FAM193A: variants seen among roughly 807,000 people sequenced by gnomAD.
FAM193A encodes the protein protein FAM193A.
A neutral mutation model predicts 126.5 loss-of-function variants in FAM193A; 22 were observed. The observed-to-expected ratio is 0.17, with a 90% CI of 0.12 to 0.25. The LOEUF (loss-of-function observed/expected upper bound fraction) is 0.25, where lower values mean the gene tolerates loss of function less well. FAM193A is among the 10% of genes least tolerant of loss of function. The pLI, the probability that FAM193A is intolerant of heterozygous loss-of-function variation, is 1.00. For missense variants in FAM193A, 1,675 were observed against 1,672.8 expected (o/e 1.00, Z -0.02); for synonymous variants, 761 against 646.8 (o/e 1.18, Z -2.68).
At chr4:2,692,273 C>T (rs979998982) in intron 15 of FAM193A, among the ~76,000 whole-genome samples, 1 of 152,180 alleles carries the variant, frequency 6.6e-6, no homozygotes, top group Non-Finnish European at 1.5e-5. Context: ...GGGGAAGCCC[C>T]TTATAAAACC....
chr4:2,586,673 G>A (rs907627566), intron 1 of FAM193A, among the ~76,000 whole-genome samples: 1 of 152,096 alleles, frequency 6.6e-6, no homozygotes, highest in East Asian at 1.9e-4. Flanking sequence ...TTGTTGTTGA[G>A]AACAGGGTCT....
At chr4:2,710,909 T>C (rs1233854858) in intron 19 of FAM193A, among the ~76,000 whole-genome samples, 4 of 148,894 alleles carry the variant, frequency 2.7e-5, no homozygotes, top group Admixed American at 2.0e-4. Flanking sequence ...TGGAGTGCAG[T>C]GGTGTGATCT....
intron 1 of FAM193A, among the ~76,000 whole-genome samples, chr4:2,548,530 C>T (rs759612280): frequency 6.6e-5 from 10 of 152,088 alleles, no homozygotes; most frequent in African/African-American, 9.7e-5. Flanking sequence ...GATCTCGGCT[C>T]ACTGCAGCCT....
At chr4:2,596,481 C>G (rs1217216776) in intron 2 of FAM193A, among the ~76,000 whole-genome samples, 152 bp downstream of exon 2, 1 of 152,222 alleles carries the variant, frequency 6.6e-6, no homozygotes, top group Non-Finnish European at 1.5e-5. Context: ...GTACGTTCCT[C>G]CTGGTCTTCC....
intron 7 of FAM193A, among the ~76,000 whole-genome samples, chr4:2,649,106 G>A (rs191640742): frequency 6.4e-4 from 98 of 152,316 alleles, no homozygotes; most frequent in African/African-American, 2.2e-3. Flanking sequence ...AGGTGCAGTG[G>A]CTCACACCTA....
At chr4:2,654,898 C>T in intron 7 of FAM193A, 1 of 465,290 alleles carries the variant, frequency 2.1e-6, no homozygotes, top group Non-Finnish European at 3.9e-6. Context: ...ATGGAGATGC[C>T]CTGTGACCAG....
intron 12 of FAM193A, among the ~76,000 whole-genome samples, chr4:2,671,698 G>T (rs1310445881): frequency 6.6e-6 from 1 of 152,214 alleles, no homozygotes; most frequent in African/African-American, 2.4e-5. Flanking sequence ...TCACTCCACC[G>T]TAACCGGAAG....
chr4:2,712,585 G>C (rs868620886), intron 19 of FAM193A, among the ~76,000 whole-genome samples: 4 of 152,102 alleles, frequency 2.6e-5, no homozygotes, highest in African/African-American at 9.7e-5. Flanking sequence ...GAGTGCCTTG[G>C]TTTTAGGACG....
intron 19 of FAM193A, chr4:2,708,134 G>T (rs1249850686): frequency 2.2e-6 from 1 of 446,732 alleles, no homozygotes; most frequent in Non-Finnish European, 4.5e-6. Flanking sequence ...TTGTTTGTTT[G>T]TTTATTTCGA....
intron 2 of FAM193A, among the ~76,000 whole-genome samples, chr4:2,620,936 G>A (rs1221277534): frequency 2.0e-5 from 3 of 151,896 alleles, no homozygotes; most frequent in Non-Finnish European, 2.9e-5. Flanking sequence ...GGCAGATTTA[G>A]GGAGCAGCCA....
intron 13 of FAM193A, among the ~76,000 whole-genome samples, chr4:2,682,083 C>G (rs1327252831): frequency 6.8e-6 from 1 of 147,676 alleles, no homozygotes; most frequent in Non-Finnish European, 1.5e-5. Flanking sequence ...CTCCTGAGTT[C>G]ACACCATTCT....
At position 2,659,804 on chromosome 4, in the gene FAM193A, C is replaced by T; in HGVS notation, c.1503-8C>T. ...TTGGCTTGGTAACTGTCCTTAATTC[C>T]TGATCAGATGTGCTTGCGATGACTG... is the stretch of plus-strand genomic sequence containing the variant. On this transcript the variant is annotated splice_polypyrimidine_tract_variant and splice_region_variant and intron_variant, in intron 9 of 20. Coordinates refer to ENST00000637812, the MANE Select transcript of FAM193A (RefSeq NM_001366318.2). 1 of 1,614,130 alleles carries T rather than the reference C, an allele frequency of 6.2e-7. No individual in the cohort carries two copies. The highest frequency in any genetic ancestry group is 1.1e-5 in the South Asian group (1 of 91,074).
rs1053116686 is a variant in FAM193A at position 2,707,673 on chromosome 4, T to G, written c.4372+7129T>G. Among the ~76,000 whole-genome samples, 7 of 152,030 alleles carry G rather than the reference T, an allele frequency of 4.6e-5. No individual in the cohort carries two copies. In the East Asian group the frequency reaches 5.8e-4, roughly 13 times the overall value. Reference sequence around the variant, plus strand: ...TTAATGTGGCTGTTAGAAGAATCTTTTGTGTGTGGCTCAGACTCAGATTTC... The same window carrying G: ...TTAATGTGGCTGTTAGAAGAATCTTGTGTGTGTGGCTCAGACTCAGATTTC... On this transcript the variant is annotated intron_variant, in intron 19 of 20. Coordinates refer to ENST00000637812, the MANE Select transcript of FAM193A (RefSeq NM_001366318.2).
chr4:2,700,143 T>C lies in FAM193A; in HGVS notation c.3971T>C (p.Phe1324Ser), dbSNP rs758911976. Residue 1324 changes from phenylalanine to serine, a missense_variant, in exon 19 of 21, where the codon TTC becomes TCC. By Grantham distance (155) the Phe-to-Ser change is radical. This residue lies in a region of FAM193A where 415 missense variants were observed against 396.7 expected (regional missense o/e 1.05). Coordinates refer to ENST00000637812, the MANE Select transcript of FAM193A (RefSeq NM_001366318.2). ...AAGCAGCATGAGCCACTCTCTTTTTTCTTCGACATCATGCAGCACCATAAA... is the reference window on the plus strand; with the variant it reads ...AAGCAGCATGAGCCACTCTCTTTTTCCTTCGACATCATGCAGCACCATAAA... The part of the protein sequence containing the change: ...NGKQHEPLSF[F>S]FDIMQHHKEG... 4 of 1,613,596 alleles carry C rather than the reference T, an allele frequency of 2.5e-6. No individual in the cohort carries two copies. In the Admixed American group the frequency reaches 6.7e-5, roughly 27 times the overall value.
chr4:2,725,098 C>CT (rs1205437520), intron 20 of FAM193A, among the ~76,000 whole-genome samples: 1 of 152,088 alleles, frequency 6.6e-6, no homozygotes, highest in Non-Finnish European at 1.5e-5. Context: ...AGGCTGGCCT[C>CT]TAACTCCTGA....
chr4:2,702,281 C>T (rs1717819612), intron 19 of FAM193A, among the ~76,000 whole-genome samples: 1 of 152,136 alleles, frequency 6.6e-6, no homozygotes, highest in Non-Finnish European at 1.5e-5. Flanking sequence ...TCAGTGGGAG[C>T]CCCCTCGGAA....
rs78563573 is a variant in FAM193A, at chr4:2,699,446, C to CCACA, written c.3508-221_3508-218dup. On this transcript the variant is annotated intron_variant, in intron 18 of 20. Coordinates refer to ENST00000637812, the MANE Select transcript of FAM193A (RefSeq NM_001366318.2). ...TTTTTGTTAACTACCACCCCCCCCC[C>CCACA]CACACACACACACACAAATAAGTAA... 7.5e-3 allele frequency among the ~76,000 whole-genome samples: 778 copies of CCACA among 103,244 alleles called. 18 individuals carry two copies. The highest frequency in any genetic ancestry group is 0.02 in the African/African-American group (583 of 28,478). The allele number at this position is 103,244 out of a possible 152,430, so 67.7% of individuals were successfully genotyped here.
intron 1 of FAM193A, among the ~76,000 whole-genome samples, chr4:2,540,507 C>A (rs1449442229): frequency 6.9e-6 from 1 of 145,592 alleles, no homozygotes; most frequent in African/African-American, 2.6e-5. Flanking sequence ...ATTAGCCAGG[C>A]GTGGTGGCGG....
At chr4:2,557,845 G>A (rs1021164968) in intron 1 of FAM193A, among the ~76,000 whole-genome samples, 12 of 152,004 alleles carry the variant, frequency 7.9e-5, no homozygotes, top group African/African-American at 2.2e-4. Flanking sequence ...CCAGCTACTC[G>A]GGAGGCTGAG....
Sources: allele counts gnomAD v4.1 joint callset (sites outside exome capture counted in the v4.1 genomes callset), GRCh38; gene constraint gnomAD v4.1.1; regional missense constraint gnomAD v4.1.1; transcripts MANE v1.5; gene names NCBI Gene and HGNC (gene_info 2026-07-23, HGNC 2026-07-21).